Variants in CBL observed in about 807,000 individuals in gnomAD.
CBL encodes the protein E3 ubiquitin-protein ligase CBL.
A neutral mutation model predicts 96.9 loss-of-function variants in CBL; 45 were observed. That is an observed-to-expected ratio of 0.46 (90% confidence interval 0.37 to 0.60). The LOEUF is 0.60. Ranked by LOEUF, CBL falls within the 20% of genes least tolerant of loss-of-function variation. The probability of loss-of-function intolerance (pLI) is 0.00; values close to 1 mark genes in which losing one functional copy is unlikely to be tolerated. For missense variants in CBL, 1,024 were observed against 1,143.5 expected (o/e 0.90, Z 1.51); for synonymous variants, 420 against 426.8 (o/e 0.98, Z 0.20).
chr11:119,302,979 A>G lies in CBL; in HGVS notation c.*3198A>G. 2 of 228,346 alleles carry G rather than the reference A, an allele frequency of 8.8e-6. No individual in the cohort carries two copies. The highest frequency in any genetic ancestry group is 1.7e-5 in the Non-Finnish European group (2 of 114,942). 14.1% of individuals were successfully genotyped at this position (228,346 alleles called of 1,614,324 possible). On this transcript the variant is annotated 3_prime_UTR_variant, in exon 16 of 16. Coordinates refer to ENST00000264033, the MANE Select transcript of CBL (RefSeq NM_005188.4). Reference sequence around the variant, plus strand: ...GATGTGGGATACTACTGTTAGTATTATTTAACTATTTTGTAGATTTAAAAG... The same window carrying G: ...GATGTGGGATACTACTGTTAGTATTGTTTAACTATTTTGTAGATTTAAAAG...
intron 1 of CBL, among the ~76,000 whole-genome samples, chr11:119,229,369 A>G (rs1592376096): frequency 6.6e-6 from 1 of 152,188 alleles, no homozygotes. Context: ...AACACTTGAT[A>G]AGAATGAAGA....
intron 2 of CBL, among the ~76,000 whole-genome samples, chr11:119,264,455 C>T (rs11217224): frequency 2.2e-5 from 3 of 139,390 alleles, no homozygotes; most frequent in Admixed American, 7.1e-5. Context: ...CTCTTCTCTT[C>T]TCTTCTCTTT....
chr11:119,303,121 C>T lies in CBL; in HGVS notation c.*3340C>T, dbSNP rs1331568104. On this transcript the variant is annotated 3_prime_UTR_variant, in exon 16 of 16. Coordinates refer to ENST00000264033, the MANE Select transcript of CBL (RefSeq NM_005188.4). ...ACAGTCAACTCACAAATTTTTATAA[C>T]AAAATTTCCTTGTAAAAACTAGGGA... 8.6e-6 allele frequency: 2 copies of T among 231,398 alleles called. No individual in the cohort carries two copies. Among genetic ancestry groups the T allele is most frequent in the Admixed American group, 5.6e-5 (1 of 17,726 alleles). The allele number at this position is 231,398 out of a possible 1,614,324, so 14.3% of individuals were successfully genotyped here. A position where few individuals can be genotyped will look rare whatever the true frequency, so the allele number is the denominator to read the frequency against.
At position 119,300,941 on chromosome 11, in the gene CBL, C is replaced by T. The variant is rs1403118851; in HGVS notation, c.*1160C>T. ...TTTCTTCCCAGTGAATTAATTTCAG[C>T]TTATATGGGTGTCTTCATTTGAACA... is the stretch of plus-strand genomic sequence containing the variant. On this transcript the variant is annotated 3_prime_UTR_variant, in exon 16 of 16. Transcript: ENST00000264033. 1 of 244,458 alleles carries T rather than the reference C, an allele frequency of 4.1e-6. No homozygotes were observed. 15.1% of individuals were successfully genotyped at this position (244,458 alleles called of 1,614,324 possible).
At chr11:119,271,084 A>G (rs561258680) in intron 2 of CBL, among the ~76,000 whole-genome samples, 3 of 152,312 alleles carry the variant, frequency 2.0e-5, no homozygotes, top group Admixed American at 6.5e-5. Context: ...TTAGGTCTGG[A>G]TACTTAAAAA....
intron 9 of CBL, 152 bp from the exon 10 acceptor site, chr11:119,284,817 T>G: frequency 1.1e-6 from 1 of 885,552 alleles, no homozygotes; most frequent in South Asian, 1.4e-5. Context: ...CTCTGGAAGT[T>G]TTTTAAGAGG....
At chr11:119,274,112 G>C (rs555580928) in intron 4 of CBL, 88 bp downstream of exon 4, 1 of 1,035,982 alleles carries the variant, frequency 9.7e-7, no homozygotes, top group African/African-American at 1.6e-5. Flanking sequence ...TAACATTTGG[G>C]GTTTTTGTCT....
At chr11:119,258,195 T>G (rs185837390) in intron 2 of CBL, among the ~76,000 whole-genome samples, 119 of 152,200 alleles carry the variant, frequency 7.8e-4, no homozygotes, top group African/African-American at 2.8e-3. Context: ...ACCATTGCAC[T>G]CCAGCCTGGG....
At position 119,296,306 on chromosome 11, in the gene CBL, TTTTTC is replaced by T. The variant is rs576304745; in HGVS notation, c.2037-611_2037-607del. Among the ~76,000 whole-genome samples the T allele has an allele frequency of 4.5e-4, 68 of 152,156 alleles. 1 individual carries two copies. The South Asian group carries it at 0.014, about 32-fold the overall frequency. ...GGGTGTTTTTGTATTTCTTGGGAGT[TTTTTC>T]ATTTCATTTCATGCGGTGGCAGAAG... On this transcript the variant is annotated intron_variant, in intron 12 of 15. Coordinates refer to ENST00000264033, the MANE Select transcript of CBL (RefSeq NM_005188.4).
rs749773074 is a variant in CBL at position 119,275,994 on chromosome 11, T to C, written c.870-3T>C. The C allele has an allele frequency of 6.2e-7, 1 of 1,614,128 alleles. No homozygotes were observed. The highest frequency in any genetic ancestry group is 8.5e-7 in the Non-Finnish European group (1 of 1,179,944). On this transcript the variant is annotated splice_polypyrimidine_tract_variant and splice_region_variant and intron_variant, in intron 5 of 15. Transcript: ENST00000264033. The stretch of plus-strand genomic sequence containing the variant: ...TAAAGCTTCTGTTTATGTCTGTTCA[T>C]AGTTATATCTTCCGGCTGAGCTGTA...
At chr11:119,207,152 AT>A (rs1343853840) in intron 1 of CBL, among the ~76,000 whole-genome samples, 7 of 152,262 alleles carry the variant, frequency 4.6e-5, no homozygotes, top group African/African-American at 1.7e-4. Context: ...GTCCTTTCTC[AT>A]TAAGATGTAA....
chr11:119,225,073 TGCGC>T (rs1176578172), intron 1 of CBL, among the ~76,000 whole-genome samples: 4 of 151,150 alleles, frequency 2.6e-5, no homozygotes, highest in African/African-American at 9.7e-5. Flanking sequence ...TGTGTGTGTG[TGCGC>T]GCGCTTGTAT....
At chr11:119,258,347 G>A (rs760617487) in intron 2 of CBL, among the ~76,000 whole-genome samples, 9 of 152,176 alleles carry the variant, frequency 5.9e-5, no homozygotes, top group Non-Finnish European at 1.0e-4. Flanking sequence ...TGCTTCTGGG[G>A]ACGCCTCAGG....
In CBL at chr11:119,293,898, T is replaced by C. The variant is rs149047411; in HGVS notation, c.2037-3020T>C. Among the ~76,000 whole-genome samples the C allele has an allele frequency of 9.0e-3, 1,373 of 152,246 alleles. 17 individuals carry two copies. The highest frequency in any genetic ancestry group is 0.026 in the African/African-American group (1,063 of 41,542). The stretch of plus-strand genomic sequence containing the variant: ...TTCCAACATGTGAAACTGGGGGACA[T>C]ATTTAAATCGTAGCATTCTCACCAG... On this transcript the variant is annotated intron_variant, in intron 12 of 15. Coordinates refer to ENST00000264033, the MANE Select transcript of CBL (RefSeq NM_005188.4).
chr11:119,242,380 A>G (rs972858604), intron 2 of CBL, among the ~76,000 whole-genome samples: 3 of 151,854 alleles, frequency 2.0e-5, no homozygotes, highest in African/African-American at 7.3e-5. Flanking sequence ...CCCTTCTAAA[A>G]ATACAAAATC....
intron 2 of CBL, among the ~76,000 whole-genome samples, chr11:119,257,709 T>G (rs989770051): frequency 5.3e-5 from 8 of 152,190 alleles, no homozygotes; most frequent in African/African-American, 1.9e-4. Flanking sequence ...TAATACATCT[T>G]GAGTTGATTT....
chr11:119,279,183 T>A (rs1337293577), intron 9 of CBL, among the ~76,000 whole-genome samples: 4 of 152,186 alleles, frequency 2.6e-5, no homozygotes, highest in African/African-American at 7.2e-5. Flanking sequence ...TTTTTTTTTT[T>A]TTATTTTAAT....
chr11:119,305,346 C>T lies in CBL; in HGVS notation c.*5565C>T, dbSNP rs1950127351. 4.3e-6 allele frequency: 1 copy of T among 231,968 alleles called. No individual in the cohort carries two copies. 14.4% of individuals were successfully genotyped at this position (231,968 alleles called of 1,614,324 possible). The stretch of plus-strand genomic sequence containing the variant: ...GTAGCCTTCCTTAGCCTCCATTCAG[C>T]CTCAGGTCTTTTGCCTTCTTCCGTG... On this transcript the variant is annotated 3_prime_UTR_variant, in exon 16 of 16. Transcript: ENST00000264033.
chr11:119,239,022 TAC>T (rs555047759), intron 2 of CBL, among the ~76,000 whole-genome samples: 59 of 152,244 alleles, frequency 3.9e-4, no homozygotes, highest in South Asian at 2.3e-3. Flanking sequence ...CAGGCTGGAG[TAC>T]AGTGACTCAA....
Sources: allele counts gnomAD v4.1 joint callset (sites outside exome capture counted in the v4.1 genomes callset), GRCh38; gene constraint gnomAD v4.1.1; transcripts MANE v1.5; gene names NCBI Gene and HGNC (gene_info 2026-07-23, HGNC 2026-07-21).